Variants in CD8B2 observed in about 807,000 individuals in gnomAD.
The protein encoded by CD8B2 is CD8B family member 2, also known as T-cell surface glycoprotein CD8 beta-2 chain.
CD8B2 carries 11 observed loss-of-function variants against 23.7 expected under a neutral mutation model. The ratio of observed to expected loss-of-function variants is 0.46; its 90% CI spans 0.29 to 0.77. The LOEUF is 0.77. Among genes scored for constraint, CD8B2 ranks in the 30% least tolerant of loss-of-function variants. The pLI, the probability that CD8B2 is intolerant of heterozygous loss-of-function variation, is 0.09. For synonymous variants in CD8B2, 90 were observed against 109.3 expected (o/e 0.82, Z 1.10); for missense variants, 197 against 270.5 (o/e 0.73, Z 1.91).
chr2:106,504,594 T>A (rs199619962), intron 5 of CD8B2, among the ~76,000 whole-genome samples: 4,674 of 138,474 alleles, frequency 0.034, 94 homozygotes, highest in African/African-American at 0.041. Flanking sequence ...TAAAAAAAAA[T>A]TTACAGACTG....
intron 5 of CD8B2, among the ~76,000 whole-genome samples, chr2:106,537,611 G>C (rs1680109189): frequency 6.6e-6 from 1 of 151,028 alleles, no homozygotes; most frequent in South Asian, 2.1e-4. Context: ...GGTTCTATAA[G>C]TGCCCTTCAG....
intron 3 of CD8B2, among the ~76,000 whole-genome samples, chr2:106,497,460 C>T (rs1326042692): frequency 2.0e-5 from 3 of 152,166 alleles, no homozygotes; most frequent in African/African-American, 7.2e-5. Context: ...TTTCCTTAAA[C>T]CCATCAGCCC....
At position 106,502,913 on chromosome 2, in the gene CD8B2, C is replaced by T. The variant is rs562987767; in HGVS notation, c.583+350C>T. On this transcript the variant is annotated intron_variant, in intron 4 of 5. Transcript: ENST00000643224. ...TACCCCAAATGCCTGGCACTCGGCACGTGTCAGTGAGTGGGAACTCACGTG... is the reference window on the plus strand; with the variant it reads ...TACCCCAAATGCCTGGCACTCGGCATGTGTCAGTGAGTGGGAACTCACGTG... 1.9e-4 allele frequency among the ~76,000 whole-genome samples: 29 copies of T among 151,968 alleles called. 1 individual carries two copies. In the South Asian group the frequency reaches 4.6e-3, roughly 24 times the overall value.
At chr2:106,504,861 C>T (rs1679475771) in intron 5 of CD8B2, among the ~76,000 whole-genome samples, 1 of 152,152 alleles carries the variant, frequency 6.6e-6, no homozygotes, top group Non-Finnish European at 1.5e-5. Flanking sequence ...AGTGGAGAGA[C>T]TACTGGAATC....
intron 5 of CD8B2, among the ~76,000 whole-genome samples, chr2:106,536,718 C>T (rs115448172): frequency 2.0e-5 from 3 of 152,060 alleles, no homozygotes; most frequent in Non-Finnish European, 2.9e-5. Flanking sequence ...GGGTGTGTTA[C>T]GGTAAGGAAA....
intron 3 of CD8B2, among the ~76,000 whole-genome samples, chr2:106,501,049 C>T (rs999531852): frequency 5.9e-5 from 9 of 152,178 alleles, no homozygotes; most frequent in African/African-American, 1.9e-4. Context: ...AAGTCAGTGC[C>T]GCCTTTTAGG....
chr2:106,542,713 T>C (rs1680195062), intron 5 of CD8B2, among the ~76,000 whole-genome samples: 1 of 148,298 alleles, frequency 6.7e-6, no homozygotes, highest in Non-Finnish European at 1.5e-5. Flanking sequence ...ATATGAAATA[T>C]ATATGAAACA....
At chr2:106,542,293 C>T (rs1286665176) in intron 5 of CD8B2, among the ~76,000 whole-genome samples, 4 of 152,208 alleles carry the variant, frequency 2.6e-5, no homozygotes. Flanking sequence ...CGGGCAGTAA[C>T]TAGATCTGAC....
chr2:106,500,496 G>A (rs1221360919), intron 3 of CD8B2, among the ~76,000 whole-genome samples: 2 of 150,202 alleles, frequency 1.3e-5, no homozygotes, highest in Non-Finnish European at 3.0e-5. Context: ...TCCAGCCTGG[G>A]CAACAACAGC....
intron 5 of CD8B2, among the ~76,000 whole-genome samples, chr2:106,532,757 G>A (rs1195220723): frequency 6.6e-6 from 1 of 152,178 alleles, no homozygotes; most frequent in East Asian, 1.9e-4. Flanking sequence ...GTCGACCAGA[G>A]GTCACTCTCA....
At chr2:106,494,702 A>G (rs1679265715) in intron 2 of CD8B2, among the ~76,000 whole-genome samples, 1 of 151,984 alleles carries the variant, frequency 6.6e-6, no homozygotes, top group African/African-American at 2.4e-5. Flanking sequence ...CCAACACTTC[A>G]GCAGGGGTCA....
chr2:106,535,859 G>A (rs1376042573), intron 5 of CD8B2, among the ~76,000 whole-genome samples: 2 of 152,086 alleles, frequency 1.3e-5, no homozygotes, highest in South Asian at 2.1e-4. Flanking sequence ...AGAAAAAAGA[G>A]GGTTAATGGG....
intron 2 of CD8B2, among the ~76,000 whole-genome samples, chr2:106,494,515 G>T: frequency 6.6e-6 from 1 of 150,568 alleles, no homozygotes; most frequent in Non-Finnish European, 1.5e-5. Flanking sequence ...TTAGGTTCAT[G>T]GTGTCTCCTT....
At chr2:106,535,316 C>T (rs62154044) in intron 5 of CD8B2, 6,188 of 152,132 alleles carry the variant, frequency 0.041, 164 homozygotes, top group Non-Finnish European at 0.06. Context: ...ACACTCATTT[C>T]CAGGCCAATG....
chr2:106,524,866 C>G (rs985815766), intron 5 of CD8B2, among the ~76,000 whole-genome samples: 3 of 152,188 alleles, frequency 2.0e-5, no homozygotes, highest in Admixed American at 6.5e-5. Context: ...CTACCCCAGG[C>G]AGAGGTCCCA....
chr2:106,502,388 T>C, intron 3 of CD8B2, 86 bp from the exon 4 acceptor site: 2 of 727,270 alleles, frequency 2.8e-6, no homozygotes, highest in Admixed American at 4.6e-5. Flanking sequence ...GGCTTCCAGT[T>C]GAATTTTTCG....
Position 106,502,416 on chromosome 2 carries a change from C to T in CD8B2, c.494-58C>T, listed in dbSNP as rs202098721. 287 of 1,001,190 alleles carry T rather than the reference C, an allele frequency of 2.9e-4. No homozygotes were observed. In the East Asian group the frequency reaches 6.6e-3, roughly 23 times the overall value. The allele number at this position is 1,001,190 out of a possible 1,614,324, so 62.0% of individuals were successfully genotyped here. A position where few individuals can be genotyped will look rare whatever the true frequency, so the allele number is the denominator to read the frequency against. ...ATTTTTCGCTCCTTGTATTTTTCTG[C>T]GTGTCTCACGCAGAAAAATGTTCTG... is the stretch of plus-strand genomic sequence containing the variant. On this transcript the variant is annotated intron_variant, in intron 3 of 5. Transcript: ENST00000643224.
chr2:106,507,118 T>C lies in CD8B2; in HGVS notation c.*178T>C, dbSNP rs1679524695. ...TGTGACGTGCATGGGAGCAACTTGTTTGTGGGTCATCGGGAATACTAGGGA... is the reference window on the plus strand; with the variant it reads ...TGTGACGTGCATGGGAGCAACTTGTCTGTGGGTCATCGGGAATACTAGGGA... On this transcript the variant is annotated 3_prime_UTR_variant, in exon 6 of 6. Coordinates refer to ENST00000643224, the MANE Select transcript of CD8B2 (RefSeq NM_001349727.2). 27 of 1,486,222 alleles carry C rather than the reference T, an allele frequency of 1.8e-5. No homozygotes were observed. Among genetic ancestry groups the C allele is most frequent in the Middle Eastern group, 2.3e-4 (1 of 4,430 alleles). The allele number at this position is 1,486,222 out of a possible 1,614,324, so 92.1% of individuals were successfully genotyped here. A position where few individuals can be genotyped will look rare whatever the true frequency, so the allele number is the denominator to read the frequency against.
At chr2:106,524,871 G>T (rs1276941289) in intron 5 of CD8B2, among the ~76,000 whole-genome samples, 1 of 152,102 alleles carries the variant, frequency 6.6e-6, no homozygotes, top group African/African-American at 2.4e-5. Context: ...CCAGGCAGAG[G>T]TCCCATCATG....
Sources: allele counts gnomAD v4.1 joint callset (sites outside exome capture counted in the v4.1 genomes callset), GRCh38; gene constraint gnomAD v4.1.1; transcripts MANE v1.5; gene names NCBI Gene and HGNC (gene_info 2026-07-23, HGNC 2026-07-21).